The following VRK1 variants were observed in gnomAD, a reference collection of about 807,000 sequenced individuals.
VRK1 encodes the protein serine/threonine-protein kinase VRK1.
Under a neutral mutation model 57.1 loss-of-function variants are expected in VRK1, and 33 were observed. The observed-to-expected ratio is 0.58, with a 90% CI of 0.44 to 0.77. The LOEUF (loss-of-function observed/expected upper bound fraction) is 0.77. VRK1 is among the 30% of genes least tolerant of loss of function. The probability of loss-of-function intolerance (pLI) is 0.00; values close to 1 mark genes in which losing one functional copy is unlikely to be tolerated. For synonymous variants in VRK1, 137 were observed against 147.8 expected (o/e 0.93, Z 0.53); for missense variants, 413 against 477.3 (o/e 0.87, Z 1.25).
chr14:96,879,136 T>C (rs538101674), intron 12 of VRK1, among the ~76,000 whole-genome samples: 350 of 152,304 alleles, frequency 2.3e-3, no homozygotes, highest in Non-Finnish European at 4.2e-3. Context: ...CAAACTTGTA[T>C]GTTATTTTCC....
chr14:96,856,380 A>G, intron 9 of VRK1, 130 bp downstream of exon 9: 5 of 1,385,692 alleles, frequency 3.6e-6, no homozygotes, highest in East Asian at 2.4e-5. Flanking sequence ...GTTAAACAGT[A>G]AGGTTCCTTG....
At chr14:96,824,329 A>G (rs28567991) in intron 1 of VRK1, among the ~76,000 whole-genome samples, 7,248 of 152,300 alleles carry the variant, frequency 0.048, 191 homozygotes, top group Non-Finnish European at 0.063. Context: ...AGTAGCCTAA[A>G]TGGTAGACTG....
At chr14:96,819,552 T>A (rs1886518279) in intron 1 of VRK1, among the ~76,000 whole-genome samples, 1 of 152,200 alleles carries the variant, frequency 6.6e-6, no homozygotes, top group Non-Finnish European at 1.5e-5. Context: ...GGTTTTGGAC[T>A]GTGAATTTTA....
At chr14:96,847,792 A>G (rs1887775292) in intron 5 of VRK1, among the ~76,000 whole-genome samples, 1 of 152,220 alleles carries the variant, frequency 6.6e-6, no homozygotes, top group Admixed American at 6.5e-5. Context: ...CTCACCCTTT[A>G]TGAGGGTTTT....
At chr14:96,861,008 A>G (rs1188428652) in intron 11 of VRK1, 2 of 263,338 alleles carry the variant, frequency 7.6e-6, no homozygotes, top group Non-Finnish European at 1.5e-5. Context: ...GGTGCACTGA[A>G]TTCATAATTT....
At chr14:96,844,404 G>A (rs1887590577) in intron 3 of VRK1, among the ~76,000 whole-genome samples, 1 of 152,160 alleles carries the variant, frequency 6.6e-6, no homozygotes, top group Non-Finnish European at 1.5e-5. Context: ...AAGGTGAAAA[G>A]TATACTTACC....
chr14:96,863,584 G>T (rs921002642), intron 11 of VRK1, among the ~76,000 whole-genome samples: 7 of 152,148 alleles, frequency 4.6e-5, no homozygotes, highest in Non-Finnish European at 7.4e-5. Context: ...CTGGAAAGTC[G>T]TTGAGTAAGG....
intron 1 of VRK1, among the ~76,000 whole-genome samples, chr14:96,827,102 C>A (rs1475503007): frequency 6.7e-6 from 1 of 150,226 alleles, no homozygotes; most frequent in Admixed American, 6.7e-5. Context: ...TGTTGGCAGG[C>A]AGGGGCACTA....
Position 96,876,090 on chromosome 14 carries a change from A to C in VRK1, c.1129A>C (p.Asn377His), listed in dbSNP as rs770642850. ...TGGTGTTGAAGATACGGAATGGTCA[A>C]ACACACAGACAGAGGAGGCCATACA... is the stretch of plus-strand genomic sequence containing the variant. Reference protein sequence around the residue: ...EPGVEDTEWSNTQTEEAIQTR... With the variant: ...EPGVEDTEWSHTQTEEAIQTR... The change falls in exon 12 of 13, where the codon AAC becomes CAC. Residue 377 changes from asparagine to histidine, a missense_variant. Physicochemically the swap from Asn to His is moderately conservative, Grantham distance 68 (BLOSUM62 1). Coordinates refer to ENST00000216639, the MANE Select transcript of VRK1 (RefSeq NM_003384.3). 6.2e-7 allele frequency: 1 copy of C among 1,613,730 alleles called. No individual in the cohort carries two copies. The highest frequency in any genetic ancestry group is 2.2e-5 in the East Asian group (1 of 44,866).
intron 11 of VRK1, among the ~76,000 whole-genome samples, chr14:96,868,271 A>G (rs559472319): frequency 2.6e-5 from 4 of 152,246 alleles, no homozygotes; most frequent in African/African-American, 7.2e-5. Flanking sequence ...TGTGGGTGGC[A>G]TCCTTAGTTG....
At chr14:96,810,410 T>C (rs1200074900) in intron 1 of VRK1, among the ~76,000 whole-genome samples, 2 of 152,220 alleles carry the variant, frequency 1.3e-5, no homozygotes, top group African/African-American at 4.8e-5. Context: ...TGAAGCTATT[T>C]TCTTATGTTA....
At chr14:96,881,145 A>C (rs373319483) in intron 12 of VRK1, 32 bp from the exon 13 acceptor site, 31 of 1,579,582 alleles carry the variant, frequency 2.0e-5, no homozygotes, top group African/African-American at 2.7e-5. Flanking sequence ...ATTATTGACT[A>C]GTGATTTCAG....
chr14:96,833,444 C>T, intron 1 of VRK1, 23 bp from the exon 2 acceptor site: 1 of 1,612,420 alleles, frequency 6.2e-7, no homozygotes, highest in Admixed American at 1.7e-5. Flanking sequence ...GAATTCTGAC[C>T]ATTTCTTTGT....
chr14:96,811,865 G>A (rs556020237), intron 1 of VRK1, among the ~76,000 whole-genome samples: 2 of 151,176 alleles, frequency 1.3e-5, no homozygotes, highest in African/African-American at 4.9e-5. Context: ...AGCTTTTAGT[G>A]TATGCACAGG....
chr14:96,849,585 T>G (rs1473314552), intron 5 of VRK1, among the ~76,000 whole-genome samples: 1 of 152,178 alleles, frequency 6.6e-6, no homozygotes, highest in African/African-American at 2.4e-5. Flanking sequence ...TTTCCCTATG[T>G]GTGAGATGAG....
chr14:96,848,516 G>A (rs1887806844), intron 5 of VRK1, among the ~76,000 whole-genome samples: 1 of 152,122 alleles, frequency 6.6e-6, no homozygotes, highest in African/African-American at 2.4e-5. Context: ...TTGTTTACTT[G>A]GGATCCATGC....
At chr14:96,869,252 T>C (rs572974920) in intron 11 of VRK1, among the ~76,000 whole-genome samples, 1 of 152,334 alleles carries the variant, frequency 6.6e-6, no homozygotes, top group South Asian at 2.1e-4. Context: ...ACTGCAATAT[T>C]ATTGTTAATG....
At chr14:96,838,683 GAC>G (rs1887322298) in intron 3 of VRK1, among the ~76,000 whole-genome samples, 1 of 152,116 alleles carries the variant, frequency 6.6e-6, no homozygotes, top group Non-Finnish European at 1.5e-5. Flanking sequence ...TCCCGCCCAC[GAC>G]ACATGGGGAT....
At chr14:96,819,271 A>G (rs1886506985) in intron 1 of VRK1, among the ~76,000 whole-genome samples, 1 of 152,200 alleles carries the variant, frequency 6.6e-6, no homozygotes, top group Non-Finnish European at 1.5e-5. Flanking sequence ...TCATGAATTT[A>G]TTTTTTACCC....
Sources: gnomAD v4.1 joint callset for allele counts (sites outside exome capture counted in the v4.1 genomes callset) on GRCh38, gnomAD v4.1.1 for gene constraint, MANE v1.5 for transcripts, NCBI Gene and HGNC (gene_info 2026-07-23, HGNC 2026-07-21) for gene names.